Variants in HACL1 observed in about 807,000 individuals in gnomAD.
HACL1 encodes the protein 1600020H07Rik.
Under a neutral mutation model 74.2 loss-of-function variants are expected in HACL1, and 64 were observed. That is an observed-to-expected ratio of 0.86 (90% confidence interval 0.70 to 1.06). The LOEUF is 1.06. Ranked by LOEUF, HACL1 falls within the 50% of genes least tolerant of loss-of-function variation. HACL1 has a pLI of 0.00. For missense variants in HACL1, 728 were observed against 719.7 expected, an observed-to-expected ratio of 1.01 and a Z score of -0.13; for synonymous variants, 230 against 238.8, an observed-to-expected ratio of 0.96 and a Z score of 0.34.
chr3:15,568,104 G>A (rs967674513), intron 13 of HACL1, 102 bp from the exon 14 acceptor site: 3 of 941,396 alleles, frequency 3.2e-6, no homozygotes, highest in Non-Finnish European at 4.9e-6. Flanking sequence ...ATGGAAAAAT[G>A]AAGAACCATA....
At chr3:15,581,137 G>A (rs2063710421) in intron 8 of HACL1, among the ~76,000 whole-genome samples, 1 of 152,154 alleles carries the variant, frequency 6.6e-6, no homozygotes, top group South Asian at 2.1e-4. Flanking sequence ...CCTGACCTTA[G>A]GTGATCCGCC....
intron 3 of HACL1, among the ~76,000 whole-genome samples, chr3:15,592,345 G>A (rs958652119): frequency 7.3e-6 from 1 of 137,718 alleles, no homozygotes; most frequent in Non-Finnish European, 1.5e-5. Flanking sequence ...GGGCACCAGA[G>A]TATACTCTAT....
intron 16 of HACL1, among the ~76,000 whole-genome samples, chr3:15,562,904 T>G (rs1258436360): frequency 6.6e-6 from 1 of 152,162 alleles, no homozygotes; most frequent in Non-Finnish European, 1.5e-5. Context: ...GCACATCTCT[T>G]CCCTCTCCCC....
intron 1 of HACL1, 52 bp from the exon 2 acceptor site, chr3:15,601,246 A>G (rs1179782813): frequency 1.3e-6 from 2 of 1,539,544 alleles, no homozygotes; most frequent in Middle Eastern, 3.4e-4. Context: ...CCATATCGCC[A>G]CATCCTTCCC....
intron 3 of HACL1, among the ~76,000 whole-genome samples, chr3:15,592,028 C>T (rs1450598491): frequency 8.8e-5 from 12 of 135,738 alleles, no homozygotes; most frequent in East Asian, 2.7e-4. Context: ...ACACACACTA[C>T]ATACGTATAT....
At chr3:15,586,678 G>T in intron 5 of HACL1, 76 bp from the exon 6 acceptor site, 1 of 838,398 alleles carries the variant, frequency 1.2e-6, no homozygotes, top group African/African-American at 1.7e-5. Flanking sequence ...AAAATGTTAA[G>T]TCATTAATTT....
chr3:15,575,073 T>C lies in HACL1; in HGVS notation c.813A>G (p.Gln271=), dbSNP rs1185048089. The C allele has an allele frequency of 1.9e-6, 3 of 1,548,882 alleles. No homozygotes were observed. Among genetic ancestry groups the C allele is most frequent in the Admixed American group, 1.7e-5 (1 of 59,588 alleles). The change falls in exon 10 of 17, where the codon CAA becomes CAG. Residue 271 remains glutamine, a synonymous_variant. Transcript: ENST00000321169. ...CVGAARSRAL[Q]FADVIVLFGA... ...CAAATAACACAATTACATCAGCAAATTGCAAAGCCCTATTAAAAAAATTGA... is the reference window on the plus strand; with the variant it reads ...CAAATAACACAATTACATCAGCAAACTGCAAAGCCCTATTAAAAAAATTGA...
intron 4 of HACL1, 150 bp from the exon 5 acceptor site, chr3:15,589,762 AGGTG>A: frequency 4.9e-6 from 3 of 615,008 alleles, no homozygotes; most frequent in Non-Finnish European, 8.5e-6. Flanking sequence ...AGGCTGGGTG[AGGTG>A]GCTCACCCCT....
At chr3:15,563,047 T>A (rs963749418) in intron 16 of HACL1, among the ~76,000 whole-genome samples, 3 of 152,180 alleles carry the variant, frequency 2.0e-5, no homozygotes, top group Non-Finnish European at 2.9e-5. Context: ...ATTCCTTTCC[T>A]TCCAAGTAAT....
At chr3:15,589,435 T>C (rs574540035) in intron 5 of HACL1, 105 bp downstream of exon 5, 1 of 683,398 alleles carries the variant, frequency 1.5e-6, no homozygotes, top group South Asian at 1.7e-5. Context: ...AGGTCAAGAC[T>C]GCAGTGAGCT....
At position 15,591,291 on chromosome 3, in the gene HACL1, A is replaced by G. The variant is rs117682128; in HGVS notation, c.308+309T>C. 5.5e-4 allele frequency among the ~76,000 whole-genome samples: 84 copies of G among 152,232 alleles called. 2 individuals carry two copies. In the East Asian group the frequency reaches 7.1e-3, roughly 13 times the overall value. On this transcript the variant is annotated intron_variant, in intron 4 of 16. Coordinates refer to ENST00000321169, the MANE Select transcript of HACL1 (RefSeq NM_012260.4). ...AGAAATAGTCACTTTTTTTGGTAAA[A>G]GTACCTAAAATTTACTCTCTTTGCA...
intron 14 of HACL1, among the ~76,000 whole-genome samples, chr3:15,566,592 G>A (rs564452408): frequency 1.3e-5 from 2 of 152,150 alleles, no homozygotes; most frequent in African/African-American, 2.4e-5. Flanking sequence ...GGTGGTTGAC[G>A]CTGCGGTGAG....
intron 3 of HACL1, among the ~76,000 whole-genome samples, chr3:15,593,162 C>T (rs150808069): frequency 8.1e-5 from 12 of 147,870 alleles, no homozygotes; most frequent in Admixed American, 6.7e-4. Flanking sequence ...TACACACATA[C>T]GTATATATGT....
intron 6 of HACL1, among the ~76,000 whole-genome samples, 170 bp downstream of exon 6, chr3:15,586,355 A>T (rs1432116367): frequency 6.6e-6 from 1 of 152,210 alleles, no homozygotes; most frequent in Non-Finnish European, 1.5e-5. Flanking sequence ...CTATAATTAA[A>T]TGTAATGACA....
intron 15 of HACL1, 114 bp downstream of exon 15, chr3:15,564,437 G>A (rs1269543466): frequency 6.6e-6 from 4 of 601,826 alleles, no homozygotes; most frequent in South Asian, 2.0e-5. Context: ...GCTGACAATC[G>A]AAACGGACAA....
At chr3:15,583,663 T>C (rs1185323726) in intron 7 of HACL1, among the ~76,000 whole-genome samples, 1 of 151,280 alleles carries the variant, frequency 6.6e-6, no homozygotes, top group East Asian at 1.9e-4. Flanking sequence ...TTTCTTTTTT[T>C]TTTTCTTTTG....
chr3:15,592,514 T>A lies in HACL1; in HGVS notation c.228-834A>T, dbSNP rs62649762. Among the ~76,000 whole-genome samples, 17 of 144,674 alleles carry A rather than the reference T, an allele frequency of 1.2e-4. No individual in the cohort carries two copies. In the South Asian group the frequency reaches 2.5e-3, roughly 22 times the overall value. The allele number at this position is 144,674 out of a possible 152,430, so 94.9% of individuals were successfully genotyped here. On this transcript the variant is annotated intron_variant, in intron 3 of 16. Coordinates refer to ENST00000321169, the MANE Select transcript of HACL1 (RefSeq NM_012260.4). ...TATACATATACACTTGTATATACAC[T>A]TGTATACATATACACATGTATACAC... is the stretch of plus-strand genomic sequence containing the variant.
chr3:15,594,301 G>C (rs1448982870), intron 3 of HACL1, among the ~76,000 whole-genome samples: 1 of 152,174 alleles, frequency 6.6e-6, no homozygotes, highest in Non-Finnish European at 1.5e-5. Flanking sequence ...AGCTACTTGG[G>C]AGGCTGAGGC....
intron 3 of HACL1, among the ~76,000 whole-genome samples, chr3:15,593,795 TCTTTTTTTTTTTTTTTTTTGA>T (rs1295768596): frequency 3.5e-5 from 5 of 142,338 alleles, no homozygotes; most frequent in African/African-American, 1.3e-4. Context: ...TTTTTTTTTG[TCTTTTTTTTTTTTTTTTTTGA>T]GACGAAGTCT....
Sources: allele counts gnomAD v4.1 joint callset (sites outside exome capture counted in the v4.1 genomes callset), GRCh38; gene constraint gnomAD v4.1.1; transcripts MANE v1.5; gene names NCBI Gene and HGNC (gene_info 2026-07-23, HGNC 2026-07-21).